Variants in FAM149B1 observed in about 807,000 individuals in gnomAD.
FAM149B1 encodes the protein family with sequence similarity 149 member B1.
Under a neutral mutation model 75.3 loss-of-function variants are expected in FAM149B1, and 56 were observed. The ratio of observed to expected loss-of-function variants is 0.74; its 90% confidence interval spans 0.60 to 0.93. The LOEUF is 0.93. Ranked by LOEUF, FAM149B1 falls within the 40% of genes least tolerant of loss-of-function variation. The pLI is 0.00. For missense variants in FAM149B1, 639 were observed against 708.4 expected, an observed-to-expected ratio of 0.90 and a Z score of 1.11; for synonymous variants, 259 against 256.1, an observed-to-expected ratio of 1.01 and a Z score of -0.11.
At chr10:73,175,496 C>T (rs1190917511) in intron 2 of FAM149B1, among the ~76,000 whole-genome samples, 1 of 151,642 alleles carries the variant, frequency 6.6e-6, no homozygotes, top group African/African-American at 2.4e-5. Context: ...GGTGAAACCC[C>T]GTCTCTACTA....
intron 3 of FAM149B1, among the ~76,000 whole-genome samples, chr10:73,184,106 G>A (rs2042464695): frequency 6.6e-6 from 1 of 152,106 alleles, no homozygotes; most frequent in Admixed American, 6.6e-5. Context: ...ATCCCTGGCT[G>A]ACCGTGAGTC....
intron 8 of FAM149B1, 119 bp downstream of exon 8, chr10:73,228,303 T>C: frequency 1.3e-6 from 1 of 776,132 alleles, no homozygotes; most frequent in Non-Finnish European, 2.1e-6. Context: ...TACAGTTATG[T>C]GTTTATCATA....
chr10:73,210,026 G>A (rs2043153091), intron 6 of FAM149B1, among the ~76,000 whole-genome samples: 1 of 152,206 alleles, frequency 6.6e-6, no homozygotes, highest in Admixed American at 6.5e-5. Flanking sequence ...AGAACTGGAA[G>A]CAGATTCTTT....
chr10:73,179,194 A>T (rs2042334863), intron 3 of FAM149B1, among the ~76,000 whole-genome samples: 1 of 152,006 alleles, frequency 6.6e-6, no homozygotes, highest in African/African-American at 2.4e-5. Context: ...CGATCTCTTG[A>T]CCTTGTAATC....
chr10:73,234,835 G>A lies in FAM149B1; in HGVS notation c.1371G>A (p.Ser457=). 6 of 1,551,470 alleles carry A rather than the reference G, an allele frequency of 3.9e-6. No individual in the cohort carries two copies. The highest frequency in any genetic ancestry group is 2.4e-5 in the East Asian group (1 of 40,908). The change falls in exon 11 of 14, where the codon TCG becomes TCA. Residue 457 remains serine (S), a synonymous_variant. Coordinates refer to ENST00000242505, the MANE Select transcript of FAM149B1 (RefSeq NM_173348.2). The part of the protein sequence containing the change: ...RGARVPVAPD[S]LSSPSPTPLS... ...TCTGCAGCCCAGTGGCACCCGACTC[G>A]CTCTCCTCTCCCTCACCGACGCCCC... is the stretch of plus-strand genomic sequence containing the variant.
chr10:73,173,330 T>C (rs1011999061), intron 1 of FAM149B1, among the ~76,000 whole-genome samples: 7 of 152,146 alleles, frequency 4.6e-5, no homozygotes, highest in Non-Finnish European at 1.0e-4. Flanking sequence ...CCTTATCCAG[T>C]TTTTACATCC....
intron 8 of FAM149B1, among the ~76,000 whole-genome samples, chr10:73,228,536 C>T (rs562517010): frequency 1.5e-4 from 23 of 152,130 alleles, no homozygotes; most frequent in Non-Finnish European, 2.5e-4. Flanking sequence ...GTCCTTTGAA[C>T]GCCTCCTTCC....
chr10:73,230,732 C>A, intron 9 of FAM149B1: 1 of 480,668 alleles, frequency 2.1e-6, no homozygotes, highest in Non-Finnish European at 3.8e-6. Context: ...AAAAAAAGAC[C>A]TAACCATATG....
chr10:73,244,118 AT>A lies in FAM149B1; in HGVS notation c.*3101del. The A allele has an allele frequency of 3.5e-6, 2 of 577,506 alleles. No homozygotes were observed. The highest frequency in any genetic ancestry group is 3.1e-4 in the Middle Eastern group (1 of 3,190). 35.8% of individuals were successfully genotyped at this position (577,506 alleles called of 1,614,324 possible). On this transcript the variant is annotated 3_prime_UTR_variant, in exon 14 of 14. Coordinates refer to ENST00000242505, the MANE Select transcript of FAM149B1 (RefSeq NM_173348.2). The stretch of plus-strand genomic sequence containing the variant: ...CTGACAGCAAGCAGTAGATCCTCTG[AT>A]TCCAATTACCATTTGTTTTTTACCC...
At chr10:73,203,661 A>C (rs1213672419) in intron 5 of FAM149B1, among the ~76,000 whole-genome samples, 1 of 139,376 alleles carries the variant, frequency 7.2e-6, no homozygotes, top group Non-Finnish European at 1.5e-5. Context: ...TTTTTTTGAG[A>C]TAGGGTCTCA....
intron 3 of FAM149B1, among the ~76,000 whole-genome samples, chr10:73,192,056 C>A (rs570135469): frequency 6.6e-6 from 1 of 151,946 alleles, no homozygotes; most frequent in Non-Finnish European, 1.5e-5. Flanking sequence ...TGTACTACCA[C>A]GCCTGGCTAA....
rs555819766 is a variant in FAM149B1 at position 73,204,816 on chromosome 10, C to T, written c.543-3803C>T. ...TTTTTGAGACGGAGTCTCGCTCTGA[C>T]GCCCAGGCTGGAGTGCAGTGGTGCA... On this transcript the variant is annotated intron_variant, in intron 5 of 13. Transcript: ENST00000242505. Among the ~76,000 whole-genome samples the T allele has an allele frequency of 1.9e-4, 24 of 127,336 alleles. No homozygotes were observed. The East Asian group carries it at 2.0e-3, about 10-fold the overall frequency. The allele number at this position is 127,336 out of a possible 152,430, so 83.5% of individuals were successfully genotyped here.
intron 7 of FAM149B1, among the ~76,000 whole-genome samples, chr10:73,211,523 T>C (rs2043185612): frequency 6.6e-6 from 1 of 152,268 alleles, no homozygotes; most frequent in Non-Finnish European, 1.5e-5. Context: ...ATTTAGTCTC[T>C]GCCCCTGATT....
chr10:73,180,435 T>C (rs754501694), intron 3 of FAM149B1, among the ~76,000 whole-genome samples: 24 of 152,216 alleles, frequency 1.6e-4, no homozygotes, highest in Non-Finnish European at 2.5e-4. Flanking sequence ...AGAATTTAAA[T>C]TGTATTCTAA....
chr10:73,178,781 A>G (rs1193502778), intron 3 of FAM149B1, among the ~76,000 whole-genome samples: 2 of 152,262 alleles, frequency 1.3e-5, no homozygotes, highest in African/African-American at 2.4e-5. Flanking sequence ...TTTACTCAAA[A>G]TATTGTTCAG....
chr10:73,190,216 G>A (rs896286218), intron 3 of FAM149B1, among the ~76,000 whole-genome samples: 30 of 151,558 alleles, frequency 2.0e-4, no homozygotes, highest in African/African-American at 7.0e-4. Flanking sequence ...TAAGAAAGAG[G>A]CAATGTTCAA....
chr10:73,237,300 G>C (rs1224185198), intron 12 of FAM149B1, among the ~76,000 whole-genome samples: 1 of 152,076 alleles, frequency 6.6e-6, no homozygotes, highest in Non-Finnish European at 1.5e-5. Context: ...TGATTCTTGG[G>C]GTTCAGTGTG....
At chr10:73,187,512 C>G (rs943942422) in intron 3 of FAM149B1, among the ~76,000 whole-genome samples, 2 of 151,708 alleles carry the variant, frequency 1.3e-5, no homozygotes, top group East Asian at 3.9e-4. Context: ...GGCGGATCAC[C>G]TGAGGTCTGG....
At chr10:73,174,860 A>C in intron 2 of FAM149B1, 69 bp downstream of exon 2, 2 of 1,055,904 alleles carry the variant, frequency 1.9e-6, no homozygotes, top group Non-Finnish European at 2.9e-6. Flanking sequence ...TTTTTGGCTT[A>C]AGATTGGTGT....
Sources: allele counts gnomAD v4.1 joint callset (sites outside exome capture counted in the v4.1 genomes callset), GRCh38; gene constraint gnomAD v4.1.1; transcripts MANE v1.5; gene names NCBI Gene and HGNC (gene_info 2026-07-23, HGNC 2026-07-21).